The following OSBPL1A variants were observed in gnomAD, a reference collection of about 807,000 sequenced individuals.
The protein encoded by OSBPL1A is oxysterol-binding protein-related protein 1.
In OSBPL1A, 80 loss-of-function variants were observed where a neutral mutation model predicts 137.1. The observed-to-expected ratio is 0.58, with a 90% CI of 0.49 to 0.70. OSBPL1A has a LOEUF of 0.70. Ranked by LOEUF, OSBPL1A falls within the 30% of genes least tolerant of loss-of-function variation. The pLI is 0.00. For synonymous variants in OSBPL1A, 365 were observed against 389.7 expected (o/e 0.94, Z 0.75); for missense variants, 970 against 1,129.4 (o/e 0.86, Z 2.02).
intron 2 of OSBPL1A, among the ~76,000 whole-genome samples, chr18:24,372,232 A>C (rs1905705816): frequency 6.6e-6 from 1 of 151,314 alleles, no homozygotes; most frequent in Admixed American, 6.6e-5. Context: ...CCATGATCAC[A>C]CCACTGCACT....
intron 7 of OSBPL1A, among the ~76,000 whole-genome samples, chr18:24,324,734 A>G (rs1305471015): frequency 2.0e-5 from 3 of 149,018 alleles, no homozygotes; most frequent in African/African-American, 7.5e-5. Flanking sequence ...CAGTGAGCCG[A>G]GATCACACCA....
chr18:24,177,964 T>A (rs747827117), intron 21 of OSBPL1A, 49 bp downstream of exon 21: 4 of 1,541,644 alleles, frequency 2.6e-6, no homozygotes, highest in Admixed American at 3.4e-5. Flanking sequence ...TGTCTACACT[T>A]ACAGGCAGGT....
chr18:24,332,043 C>T (rs1389158415), intron 7 of OSBPL1A, among the ~76,000 whole-genome samples: 1 of 152,012 alleles, frequency 6.6e-6, no homozygotes, highest in Admixed American at 6.6e-5. Flanking sequence ...TCACACTTTC[C>T]ACCTTTTGTA....
In OSBPL1A at chr18:24,172,434, T is replaced by A. The variant is rs1485612998; in HGVS notation, c.2143A>T (p.Ile715Phe). ...WTNPTCCVHN[I>F]IVGKLWIEQY... ...TCGATCCACAGTTTACCCACAATGATATTATGCACACAGCAGGTGGGATTT... is the reference window on the plus strand; with the variant it reads ...TCGATCCACAGTTTACCCACAATGAAATTATGCACACAGCAGGTGGGATTT... Residue 715 changes from isoleucine to phenylalanine, a missense_variant, in exon 22 of 28, where the codon ATC becomes TTC. By Grantham distance (21) the Ile-to-Phe change is conservative. Coordinates refer to ENST00000319481, the MANE Select transcript of OSBPL1A (RefSeq NM_080597.4). 1 of 1,614,062 alleles carries A rather than the reference T, an allele frequency of 6.2e-7. No individual in the cohort carries two copies. The highest frequency in any genetic ancestry group is 8.5e-7 in the Non-Finnish European group (1 of 1,180,038).
rs1031507464 is a variant in OSBPL1A at position 24,358,565 on chromosome 18, A to G, written c.282+8327T>C. 1.1e-5 allele frequency: 8 copies of G among 701,110 alleles called. No individual in the cohort carries two copies. The African/African-American group carries it at 1.2e-4, about 11-fold the overall frequency. The allele number at this position is 701,110 out of a possible 1,614,324, so 43.4% of individuals were successfully genotyped here. ...AGGCAGTCATTCTCCATCAAATGAA[A>G]CGATACGTGTCAAGTTGTCTGGGCA... On this transcript the variant is annotated intron_variant, in intron 4 of 27. Coordinates refer to ENST00000319481, the MANE Select transcript of OSBPL1A (RefSeq NM_080597.4).
At chr18:24,257,060 A>G (rs1328175288) in intron 15 of OSBPL1A, among the ~76,000 whole-genome samples, 1 of 151,916 alleles carries the variant, frequency 6.6e-6, no homozygotes, top group Non-Finnish European at 1.5e-5. Context: ...ATTCAAAGCA[A>G]TCAACAGATT....
chr18:24,262,898 T>A (rs903920796), intron 15 of OSBPL1A, among the ~76,000 whole-genome samples: 1 of 152,182 alleles, frequency 6.6e-6, no homozygotes, highest in South Asian at 2.1e-4. Context: ...CTCTTTTGTA[T>A]CTAGCTTTTT....
At position 24,172,242 on chromosome 18, in the gene OSBPL1A, T is replaced by C. The variant is rs1011829462; in HGVS notation, c.2201+134A>G. 2.2e-5 allele frequency: 15 copies of C among 686,202 alleles called. No homozygotes were observed. The African/African-American group carries it at 2.4e-4, about 11-fold the overall frequency. The allele number at this position is 686,202 out of a possible 1,614,324, so 42.5% of individuals were successfully genotyped here. On this transcript the variant is annotated intron_variant, in intron 22 of 27. Coordinates refer to ENST00000319481, the MANE Select transcript of OSBPL1A (RefSeq NM_080597.4). ...GCGTGAGCCACCGCGCCCAGATATA[T>C]TGCATGATTCTTAAATTTTCATCAG...
intron 16 of OSBPL1A, among the ~76,000 whole-genome samples, chr18:24,229,158 A>C (rs1199019073): frequency 6.6e-6 from 1 of 152,158 alleles, no homozygotes; most frequent in Non-Finnish European, 1.5e-5. Context: ...GCTAAGATTG[A>C]ACCACTGTAC....
At chr18:24,245,189 T>C (rs1253613573) in intron 15 of OSBPL1A, among the ~76,000 whole-genome samples, 1 of 152,122 alleles carries the variant, frequency 6.6e-6, no homozygotes, top group Admixed American at 6.6e-5. Flanking sequence ...ACAATCCTCT[T>C]GACTCAAGCG....
At chr18:24,186,903 CAAAAAAAAAAAAAAAAA>C (rs57438319) in intron 18 of OSBPL1A, among the ~76,000 whole-genome samples, 2 of 62,628 alleles carry the variant, frequency 3.2e-5, no homozygotes, top group Non-Finnish European at 6.1e-5. Context: ...GACTCTGTCT[CAAAAAAAAAAAAAAAAA>C]AAAAAAAAAA....
At chr18:24,243,634 C>G (rs953507921) in intron 15 of OSBPL1A, among the ~76,000 whole-genome samples, 2 of 152,168 alleles carry the variant, frequency 1.3e-5, no homozygotes, top group African/African-American at 4.8e-5. Flanking sequence ...TAGCTGCTAC[C>G]GCATTCACAT....
chr18:24,179,724 G>T lies in OSBPL1A; in HGVS notation c.1910+14C>A. On this transcript the variant is annotated intron_variant, in intron 20 of 27. Transcript: ENST00000319481. Reference sequence around the variant, plus strand: ...CTGCAACGCTGTATAAAGCATGCAAGTGAAAGGCCTCACCGCACTAATTCA... The same window carrying T: ...CTGCAACGCTGTATAAAGCATGCAATTGAAAGGCCTCACCGCACTAATTCA... The T allele has an allele frequency of 6.2e-7, 1 of 1,606,700 alleles. No individual in the cohort carries two copies.
intron 18 of OSBPL1A, among the ~76,000 whole-genome samples, chr18:24,185,687 G>A (rs2086729615): frequency 6.6e-6 from 1 of 152,172 alleles, no homozygotes; most frequent in East Asian, 1.9e-4. Context: ...CTATGCACGT[G>A]TGGGGCCAGG....
chr18:24,362,545 G>A (rs997392615), intron 4 of OSBPL1A, among the ~76,000 whole-genome samples: 5 of 152,152 alleles, frequency 3.3e-5, no homozygotes, highest in African/African-American at 1.2e-4. Flanking sequence ...TGAAAAGTGT[G>A]AAACAATATA....
chr18:24,268,827 G>A (rs2089646042), intron 15 of OSBPL1A, among the ~76,000 whole-genome samples: 1 of 152,134 alleles, frequency 6.6e-6, no homozygotes, highest in South Asian at 2.1e-4. Flanking sequence ...CAATTACCAT[G>A]TTGACGTAGG....
intron 5 of OSBPL1A, among the ~76,000 whole-genome samples, chr18:24,340,453 C>T (rs1054905268): frequency 5.9e-5 from 9 of 152,030 alleles, no homozygotes. Context: ...ATGGGAGGAT[C>T]GCTTGAGACC....
At chr18:24,321,028 CAAA>C (rs368453121) in intron 7 of OSBPL1A, among the ~76,000 whole-genome samples, 1 of 68,296 alleles carries the variant, frequency 1.5e-5, no homozygotes, top group Non-Finnish European at 3.4e-5. Context: ...GACTTCGTCT[CAAA>C]AAAAAAAAAA....
chr18:24,238,847 A>G (rs910764050), intron 16 of OSBPL1A, among the ~76,000 whole-genome samples: 2 of 152,238 alleles, frequency 1.3e-5, no homozygotes, highest in Non-Finnish European at 2.9e-5. Flanking sequence ...CTTTATATAA[A>G]GACCTCTTTG....
Sources: allele counts gnomAD v4.1 joint callset (sites outside exome capture counted in the v4.1 genomes callset), GRCh38; gene constraint gnomAD v4.1.1; transcripts MANE v1.5; gene names NCBI Gene and HGNC (gene_info 2026-07-23, HGNC 2026-07-21).